ASIC2: variants seen among roughly 807,000 people sequenced by gnomAD.
ASIC2 encodes the protein acid-sensing ion channel 2.
In ASIC2, 25 loss-of-function variants were observed where a neutral mutation model predicts 57.3. The ratio of observed to expected loss-of-function variants is 0.44; its 90% CI spans 0.32 to 0.61. The LOEUF is 0.61. Among genes scored for constraint, ASIC2 ranks in the 20% least tolerant of loss-of-function variants. The pLI is 0.06. For synonymous variants in ASIC2, 319 were observed against 307.5 expected (o/e 1.04, Z -0.39); for missense variants, 641 against 738.1 (o/e 0.87, Z 1.52).
At chr17:33,571,788 G>A (rs1332539594) in intron 1 of ASIC2, among the ~76,000 whole-genome samples, 1 of 152,200 alleles carries the variant, frequency 6.6e-6, no homozygotes, top group Non-Finnish European at 1.5e-5. Flanking sequence ...CTTCAAAGCA[G>A]TTCATCTCGG....
At chr17:33,610,054 GCACACACACACA>G (rs57533251) in intron 1 of ASIC2, among the ~76,000 whole-genome samples, 1 of 144,736 alleles carries the variant, frequency 6.9e-6, no homozygotes, top group East Asian at 2.1e-4. Context: ...GGACAGAGGC[GCACACACACACA>G]CACACACACA....
intron 1 of ASIC2, among the ~76,000 whole-genome samples, chr17:33,924,926 G>A (rs897087563): frequency 6.6e-6 from 1 of 152,174 alleles, no homozygotes; most frequent in African/African-American, 2.4e-5. Flanking sequence ...GTCACTTCTT[G>A]TTTAGTGCCT....
chr17:33,380,901 T>G (rs1349212128), intron 1 of ASIC2, among the ~76,000 whole-genome samples: 1 of 152,202 alleles, frequency 6.6e-6, no homozygotes, highest in Non-Finnish European at 1.5e-5. Flanking sequence ...GTGGCTGACC[T>G]TCTTCAGGCT....
intron 1 of ASIC2, among the ~76,000 whole-genome samples, chr17:33,317,668 T>C (rs1023976589): frequency 1.1e-4 from 16 of 152,118 alleles, no homozygotes; most frequent in African/African-American, 3.6e-4. Flanking sequence ...ACCTCACTCT[T>C]GTAGGCAAGA....
intron 8 of ASIC2, among the ~76,000 whole-genome samples, chr17:33,016,674 C>T (rs1006603087): frequency 2.0e-5 from 3 of 152,112 alleles, no homozygotes; most frequent in East Asian, 1.9e-4. Flanking sequence ...TACTGGGGCA[C>T]GACAGGTCCC....
chr17:33,095,357 C>T (rs939975632), intron 2 of ASIC2, among the ~76,000 whole-genome samples: 1 of 152,200 alleles, frequency 6.6e-6, no homozygotes, highest in East Asian at 1.9e-4. Flanking sequence ...CTAGTACTTA[C>T]CATGTTCACA....
At chr17:33,808,175 G>C (rs574752293) in intron 1 of ASIC2, among the ~76,000 whole-genome samples, 36 of 152,340 alleles carry the variant, frequency 2.4e-4, no homozygotes, top group African/African-American at 8.4e-4. Flanking sequence ...TTAGGCGCGT[G>C]ATCCATTTTG....
rs1256835362 is a variant in ASIC2, at chr17:34,083,854, C to CT, written c.555+72123dup. Among the ~76,000 whole-genome samples the CT allele has an allele frequency of 2.6e-5, 4 of 152,300 alleles. No homozygotes were observed. The East Asian group carries it at 7.7e-4, about 29-fold the overall frequency. ...AGTGTCTGTTCAGGTCCTTCGCCCA[C>CT]TTTTTGACGGGGTTGTTTGTTTTTT... On this transcript the variant is annotated intron_variant, in intron 1 of 9. Coordinates refer to the ASIC2 transcript ENST00000359872.
intron 3 of ASIC2, among the ~76,000 whole-genome samples, chr17:33,065,173 T>C (rs900320417): frequency 2.0e-5 from 3 of 151,942 alleles, no homozygotes; most frequent in Non-Finnish European, 2.9e-5. Context: ...TTATTGAAAA[T>C]GATTGAACAT....
intron 1 of ASIC2, among the ~76,000 whole-genome samples, chr17:34,104,410 T>A (rs551529786): frequency 1.8e-3 from 270 of 152,240 alleles, no homozygotes; most frequent in Non-Finnish European, 3.5e-3. Context: ...TAAATAAAAC[T>A]TTTGTTTATA....
chr17:33,960,294 G>A (rs1248530443), intron 1 of ASIC2, among the ~76,000 whole-genome samples: 1 of 152,172 alleles, frequency 6.6e-6, no homozygotes, highest in East Asian at 1.9e-4. Context: ...GATGGAGAGG[G>A]ACATTTGAGC....
intron 1 of ASIC2, among the ~76,000 whole-genome samples, chr17:33,441,553 A>G (rs559512739): frequency 3.9e-5 from 6 of 152,304 alleles, no homozygotes; most frequent in Admixed American, 1.3e-4. Context: ...GCCCCAAAAT[A>G]TGACACCATG....
At chr17:33,032,177 G>T (rs1443310303) in intron 3 of ASIC2, among the ~76,000 whole-genome samples, 2 of 152,064 alleles carry the variant, frequency 1.3e-5, no homozygotes, top group Non-Finnish European at 2.9e-5. Flanking sequence ...CCGATTTCTA[G>T]TTCTCCTTTT....
chr17:33,874,156 C>T (rs568326763), intron 1 of ASIC2, among the ~76,000 whole-genome samples: 1 of 152,270 alleles, frequency 6.6e-6, no homozygotes, highest in East Asian at 1.9e-4. Flanking sequence ...TAGCGATGCC[C>T]TGGTGAAAAG....
chr17:33,637,014 C>T (rs530365056), intron 1 of ASIC2, among the ~76,000 whole-genome samples: 2 of 152,222 alleles, frequency 1.3e-5, no homozygotes, highest in Non-Finnish European at 2.9e-5. Flanking sequence ...TTCTCCCCTT[C>T]CTCCTTCTTC....
chr17:34,084,410 G>T (rs1477487537), intron 1 of ASIC2, among the ~76,000 whole-genome samples: 2 of 152,250 alleles, frequency 1.3e-5, no homozygotes, highest in East Asian at 3.9e-4. Flanking sequence ...CTATATCTCT[G>T]TTTTGGTACC....
chr17:34,028,473 T>C (rs1907460504), intron 1 of ASIC2, among the ~76,000 whole-genome samples: 1 of 151,800 alleles, frequency 6.6e-6, no homozygotes, highest in African/African-American at 2.4e-5. Flanking sequence ...GAGTGTGTAG[T>C]CTGGTTGGTG....
intron 1 of ASIC2, among the ~76,000 whole-genome samples, chr17:33,678,435 CCACACACACACA>C (rs71144896): frequency 8.6e-5 from 12 of 139,596 alleles, no homozygotes; most frequent in East Asian, 4.2e-4. Flanking sequence ...CTGGTTCAAT[CCACACACACACA>C]CACACACACA....
Position 33,693,286 on chromosome 17 carries a change from A to T in ASIC2, c.555+462692T>A, listed in dbSNP as rs182352936. 7.8e-4 allele frequency among the ~76,000 whole-genome samples: 119 copies of T among 152,000 alleles called. 1 individual carries two copies. The highest frequency in any genetic ancestry group is 1.4e-3 in the Admixed American group (22 of 15,282). ...CAATCTGTTGTTAATTTTATTTAGT[A>T]CTGCATTAAATTTGTAGATGAACTT... On this transcript the variant is annotated intron_variant, in intron 1 of 9. Transcript: ENST00000359872.
Sources: gnomAD v4.1 joint callset for allele counts (sites outside exome capture counted in the v4.1 genomes callset) on GRCh38, gnomAD v4.1.1 for gene constraint, MANE v1.5 for transcripts, NCBI Gene and HGNC (gene_info 2026-07-23, HGNC 2026-07-21) for gene names.